Variants in ACYP2 observed in about 807,000 individuals in gnomAD.
ACYP2 encodes the protein acylphosphatase-2.
In ACYP2, 12 loss-of-function variants were observed where a neutral mutation model predicts 11.2. The observed-to-expected ratio is 1.08, with a 90% CI of 0.69 to 1.74. The LOEUF (loss-of-function observed/expected upper bound fraction) is 1.74. Ranked by LOEUF, ACYP2 falls within the 40% of genes most tolerant of loss-of-function variation. ACYP2 has a pLI of 0.00. For synonymous variants in ACYP2, 43 were observed against 32.2 expected (o/e 1.33, Z -1.13); for missense variants, 134 against 101.9 (o/e 1.31, Z -1.35).
At chr2:54,035,219 T>G (rs1362872246) in intron 2 of ACYP2, among the ~76,000 whole-genome samples, 1 of 151,610 alleles carries the variant, frequency 6.6e-6, no homozygotes, top group East Asian at 1.9e-4. Context: ...CTCCTACTTT[T>G]TAGACCGGCC....
intron 6 of ACYP2, among the ~76,000 whole-genome samples, chr2:54,140,997 C>T (rs1240323293): frequency 6.6e-6 from 1 of 152,114 alleles, no homozygotes; most frequent in Non-Finnish European, 1.5e-5. Flanking sequence ...TTTTCTTTTA[C>T]CTGATTGGTT....
intron 6 of ACYP2, among the ~76,000 whole-genome samples, chr2:54,187,575 C>T (rs1684064841): frequency 6.6e-6 from 1 of 152,108 alleles, no homozygotes; most frequent in African/African-American, 2.4e-5. Flanking sequence ...ATAGCAAGGT[C>T]CAGGGACATA....
At chr2:54,302,444 C>T (rs2104172809) in intron 6 of ACYP2, among the ~76,000 whole-genome samples, 1 of 152,294 alleles carries the variant, frequency 6.6e-6, no homozygotes, top group South Asian at 2.1e-4. Context: ...TCCTTCTCTG[C>T]CTTTCCTGGT....
chr2:54,257,833 G>A (rs145983511), intron 6 of ACYP2, among the ~76,000 whole-genome samples: 1,724 of 152,230 alleles, frequency 0.011, 32 homozygotes, highest in African/African-American at 0.04. Context: ...GGACTGAAAT[G>A]CAATAGAAAA....
chr2:54,012,405 A>T (rs1673423520), intron 2 of ACYP2, among the ~76,000 whole-genome samples: 1 of 152,162 alleles, frequency 6.6e-6, no homozygotes, highest in Non-Finnish European at 1.5e-5. Context: ...TAGTTCAGCT[A>T]CTCAGGAGGC....
At chr2:54,058,618 G>A (rs1676289262) in intron 4 of ACYP2, among the ~76,000 whole-genome samples, 1 of 151,684 alleles carries the variant, frequency 6.6e-6, no homozygotes, top group African/African-American at 2.4e-5. Flanking sequence ...ACCTGTAAGA[G>A]TTAAAGAAAG....
chr2:53,991,245 T>G (rs926442013), intron 2 of ACYP2, among the ~76,000 whole-genome samples: 5 of 152,234 alleles, frequency 3.3e-5, no homozygotes. Context: ...AGTTTGCTTA[T>G]CCATTCATCT....
At chr2:54,287,037 C>G (rs1338028977) in intron 6 of ACYP2, among the ~76,000 whole-genome samples, 1 of 151,980 alleles carries the variant, frequency 6.6e-6, no homozygotes, top group Admixed American at 6.6e-5. Flanking sequence ...TTTTGATACT[C>G]TTTTCACTAA....
chr2:54,129,920 TAAAG>T (rs1680799681), intron 4 of ACYP2, among the ~76,000 whole-genome samples: 1 of 148,580 alleles, frequency 6.7e-6, no homozygotes, highest in Non-Finnish European at 1.5e-5. Flanking sequence ...ACATATATAA[TAAAG>T]ATATATAAAA....
intron 6 of ACYP2, among the ~76,000 whole-genome samples, chr2:54,209,724 T>C (rs778639541): frequency 2.0e-5 from 3 of 152,218 alleles, no homozygotes; most frequent in Non-Finnish European, 4.4e-5. Flanking sequence ...AGGGGTTCCT[T>C]TTCCTGATTG....
At chr2:54,015,645 T>TCACA (rs4027206) in intron 2 of ACYP2, among the ~76,000 whole-genome samples, 4,743 of 130,276 alleles carry the variant, frequency 0.036, 138 homozygotes, top group African/African-American at 0.082. Flanking sequence ...TGAGACCCCG[T>TCACA]CACACACACA....
At chr2:53,999,640 C>T (rs1672716528) in intron 2 of ACYP2, among the ~76,000 whole-genome samples, 2 of 152,122 alleles carry the variant, frequency 1.3e-5, no homozygotes, top group Non-Finnish European at 2.9e-5. Context: ...TTATAACCAC[C>T]ACAAATAGTA....
intron 6 of ACYP2, among the ~76,000 whole-genome samples, chr2:54,150,781 G>T (rs1344913555): frequency 1.5e-5 from 2 of 135,832 alleles, no homozygotes; most frequent in African/African-American, 2.9e-5. Flanking sequence ...TTGCTCTGTC[G>T]CCCAGGCTAG....
chr2:54,032,553 A>G (rs1674641421), intron 2 of ACYP2, among the ~76,000 whole-genome samples: 1 of 152,178 alleles, frequency 6.6e-6, no homozygotes, highest in African/African-American at 2.4e-5. Flanking sequence ...TTGAAGTCAG[A>G]TAGCCTGATG....
At chr2:53,982,584 C>T (rs1225340234) in intron 2 of ACYP2, among the ~76,000 whole-genome samples, 1 of 152,074 alleles carries the variant, frequency 6.6e-6, no homozygotes, top group East Asian at 1.9e-4. Flanking sequence ...AAACTCCCTT[C>T]CACCCACTGC....
chr2:54,296,633 A>T lies in ACYP2; in HGVS notation c.405-8055A>T, dbSNP rs183996043. ...CATATAAAAAATGCATCCATAATGA[A>T]ATCTCCTCTTATATTGTTACTTTAT... is the stretch of plus-strand genomic sequence containing the variant. On this transcript the variant is annotated intron_variant, in intron 6 of 6. Transcript: ENST00000607452. Among the ~76,000 whole-genome samples the T allele has an allele frequency of 5.4e-3, 827 of 152,330 alleles. 12 individuals are homozygous for T. Among genetic ancestry groups the T allele is most frequent in the African/African-American group, 0.019 (780 of 41,562 alleles).
intron 2 of ACYP2, among the ~76,000 whole-genome samples, chr2:54,034,988 C>T (rs1239248716): frequency 2.0e-5 from 2 of 101,716 alleles, no homozygotes; most frequent in Admixed American, 1.2e-4. Context: ...CCAGCCCAGG[C>T]GACAGTGCGA....
At chr2:54,255,065 C>T in intron 6 of ACYP2, 1 of 1,614,126 alleles carries the variant, frequency 6.2e-7, no homozygotes. Flanking sequence ...GCAATCCTGT[C>T]GGACTCTGGA....
chr2:54,054,334 A>G (rs1676011583), intron 3 of ACYP2, among the ~76,000 whole-genome samples: 1 of 152,266 alleles, frequency 6.6e-6, no homozygotes, highest in African/African-American at 2.4e-5. Flanking sequence ...TAATAATGTA[A>G]AAAAGGTTCT....
Sources: allele counts gnomAD v4.1 joint callset (sites outside exome capture counted in the v4.1 genomes callset), GRCh38; gene constraint gnomAD v4.1.1; transcripts MANE v1.5; gene names NCBI Gene and HGNC (gene_info 2026-07-23, HGNC 2026-07-21).